Variants in VWA5B1 observed in about 807,000 individuals in gnomAD.
VWA5B1 encodes the protein von Willebrand factor A domain containing 5B1, also known as von Willebrand factor A domain-containing protein 5B1.
A neutral mutation model predicts 118.2 loss-of-function variants in VWA5B1; 115 were observed. That is an observed-to-expected ratio of 0.97 (90% confidence interval 0.84 to 1.14). VWA5B1 has a LOEUF of 1.14. Among genes scored for constraint, VWA5B1 ranks in the 50% most tolerant of loss-of-function variants. VWA5B1 has a pLI of 0.00. For missense variants in VWA5B1, 1,596 were observed against 1,603.8 expected (o/e 1.00, Z 0.08); for synonymous variants, 682 against 658.4 (o/e 1.04, Z -0.55).
At chr1:20,336,257 G>A in intron 12 of VWA5B1, 46 bp from the exon 13 acceptor site, 1 of 1,294,098 alleles carries the variant, frequency 7.7e-7, no homozygotes, top group Non-Finnish European at 9.9e-7. Context: ...AGTCCTTCCT[G>A]ACACCTAGCC....
chr1:20,319,626 G>A (rs2089144172), intron 7 of VWA5B1, 120 bp downstream of exon 7: 2 of 1,409,064 alleles, frequency 1.4e-6, no homozygotes, highest in East Asian at 5.0e-5. Context: ...GCAAGCTGGA[G>A]GCAGACACCA....
At chr1:20,313,394 T>G (rs1239027688) in intron 3 of VWA5B1, among the ~76,000 whole-genome samples, 1 of 152,162 alleles carries the variant, frequency 6.6e-6, no homozygotes, top group Non-Finnish European at 1.5e-5. Flanking sequence ...ATTAACCCCC[T>G]CTGTAAAATG....
At chr1:20,344,018 C>G (rs1164463555) in intron 16 of VWA5B1, among the ~76,000 whole-genome samples, 1 of 145,106 alleles carries the variant, frequency 6.9e-6, no homozygotes, top group South Asian at 2.3e-4. Flanking sequence ...CCTCACACCA[C>G]AGCCTTCAGG....
intron 16 of VWA5B1, 26 bp downstream of exon 16, chr1:20,343,419 C>A: frequency 6.7e-7 from 1 of 1,482,120 alleles, no homozygotes. Context: ...CTGCGCCCCT[C>A]CCGCGGACGG....
chr1:20,355,160 G>A lies in VWA5B1; in HGVS notation c.*897G>A, dbSNP rs1290087667. Among the ~76,000 whole-genome samples the A allele has an allele frequency of 1.3e-5, 2 of 152,182 alleles. No individual in the cohort carries two copies. Among genetic ancestry groups the A allele is most frequent in the Admixed American group, 6.5e-5 (1 of 15,282 alleles). On this transcript the variant is annotated 3_prime_UTR_variant, in exon 22 of 22. Transcript: ENST00000289815. The stretch of plus-strand genomic sequence containing the variant: ...GCATCACTTGTACTGAGGCACGAGG[G>A]AGCCACCACCAAGTAGGTCGCACCA...
chr1:20,329,539 C>T (rs1312579986), intron 9 of VWA5B1, among the ~76,000 whole-genome samples: 1 of 152,104 alleles, frequency 6.6e-6, no homozygotes, highest in Non-Finnish European at 1.5e-5. Flanking sequence ...GAATTCCTGA[C>T]CTCAAGTGAT....
intron 14 of VWA5B1, among the ~76,000 whole-genome samples, chr1:20,339,711 C>T (rs1042604846): frequency 6.6e-6 from 1 of 151,938 alleles, no homozygotes; most frequent in African/African-American, 2.4e-5. Flanking sequence ...AGCCCGCTCT[C>T]TAAGGGTAGG....
In VWA5B1 at chr1:20,314,467, C is replaced by A. The variant is rs1222004793; in HGVS notation, c.438C>A (p.Ser146Arg). 2 of 1,551,790 alleles carry A rather than the reference C, an allele frequency of 1.3e-6. No homozygotes were observed. The highest frequency in any genetic ancestry group is 3.9e-5 in the Admixed American group (2 of 51,004). The part of the protein sequence containing the change: ...APMENVTIFI[S>R]TSSELPTLPS... ...TGGAGAATGTCACCATCTTCATCAG[C>A]ACCTCCTCGGAGCTCCCAACGCTGC... Residue 146 changes from serine to arginine, a missense_variant, in exon 4 of 22, where the codon AGC becomes AGA. Ser to Arg is a moderately radical substitution (Grantham distance 110). Transcript: ENST00000289815.
At position 20,319,476 on chromosome 1, in the gene VWA5B1, G is replaced by T. The variant is rs531503740; in HGVS notation, c.936G>T (p.Gly312=). 4.8e-4 allele frequency: 745 copies of T among 1,551,796 alleles called. 8 individuals are homozygous for T. The South Asian group carries it at 8.1e-3, about 17-fold the overall frequency. Residue 312 remains glycine (G), a synonymous_variant, in exon 7 of 22, where the codon GGG becomes GGT. Transcript: ENST00000289815. The part of the protein sequence containing the change: ...HLKGRTDFIK[G]MKKKSRAERK... ...AGGGAAGAACAGATTTCATTAAAGG[G>T]ATGAAGAAGAAGAGCAGAGCAGAGC...
At chr1:20,329,712 C>T (rs1432609375) in intron 9 of VWA5B1, among the ~76,000 whole-genome samples, 1 of 152,160 alleles carries the variant, frequency 6.6e-6, no homozygotes, top group Non-Finnish European at 1.5e-5. Flanking sequence ...GGGACCCACA[C>T]AGTTGGTCCA....
chr1:20,346,343 C>T (rs1448264888), intron 17 of VWA5B1, among the ~76,000 whole-genome samples: 1 of 152,232 alleles, frequency 6.6e-6, no homozygotes, highest in East Asian at 1.9e-4. Context: ...CCAGGCTTTA[C>T]ATTTATTGCC....
At chr1:20,299,311 G>T (rs923504713) in intron 1 of VWA5B1, among the ~76,000 whole-genome samples, 2 of 152,138 alleles carry the variant, frequency 1.3e-5, no homozygotes, top group Non-Finnish European at 2.9e-5. Flanking sequence ...TACCAACCTT[G>T]CCTGAGGTTT....
rs1345839205 is a variant in VWA5B1 at position 20,355,671 on chromosome 1, C to T, written c.*1408C>T. 6.6e-6 allele frequency among the ~76,000 whole-genome samples: 1 copy of T among 152,218 alleles called. No individual in the cohort carries two copies. The highest frequency in any genetic ancestry group is 2.4e-5 in the African/African-American group (1 of 41,456). On this transcript the variant is annotated 3_prime_UTR_variant, in exon 22 of 22. Coordinates refer to ENST00000289815, the MANE Select transcript of VWA5B1 (RefSeq NM_001039500.3). Reference sequence around the variant, plus strand: ...GTCCTGCGGGCTCTGGCGCAAGCCCCGGCCTCAGGAAGACTCGAGGGGTGT... The same window carrying T: ...GTCCTGCGGGCTCTGGCGCAAGCCCTGGCCTCAGGAAGACTCGAGGGGTGT...
intron 6 of VWA5B1, 80 bp downstream of exon 6, chr1:20,318,801 C>A: frequency 7.1e-7 from 1 of 1,408,330 alleles, no homozygotes; most frequent in African/African-American, 1.5e-5. Flanking sequence ...AACATGTGGC[C>A]CCCCGCCCAG....
intron 9 of VWA5B1, among the ~76,000 whole-genome samples, chr1:20,329,287 C>CTTTTTTTTTTTTTTTTTTTTTTTTT (rs10578067): frequency 1.1e-5 from 1 of 89,218 alleles, no homozygotes; most frequent in Non-Finnish European, 2.0e-5. Context: ...TTTCTTTTCC[C>CTTTTTTTTTTTTTTTTTTTTTTTTT]TTTTTTTTTT....
chr1:20,346,201 T>A (rs1028437435), intron 17 of VWA5B1, among the ~76,000 whole-genome samples: 2 of 126,152 alleles, frequency 1.6e-5, no homozygotes, highest in Non-Finnish European at 3.3e-5. Context: ...TTGTATATAT[T>A]TTCAATCCTT....
intron 1 of VWA5B1, among the ~76,000 whole-genome samples, chr1:20,297,207 A>C (rs1019692881): frequency 6.6e-6 from 1 of 152,204 alleles, no homozygotes; most frequent in African/African-American, 2.4e-5. Context: ...TCAAAGACCC[A>C]AACATTCATG....
rs1168742533 is a variant in VWA5B1 at position 20,337,744 on chromosome 1, G to A, written c.2041G>A (p.Ala681Thr). 1 of 1,551,766 alleles carries A rather than the reference G, an allele frequency of 6.4e-7. No individual in the cohort carries two copies. Among genetic ancestry groups the A allele is most frequent in the East Asian group, 2.4e-5 (1 of 40,910 alleles). ...CACCATGGCAAGTGACCCCATGCCA[G>A]CTGCCAAGAGATACCCACTGCGGAA... is the stretch of plus-strand genomic sequence containing the variant. ...RATMASDPMP[A>T]AKRYPLRKAR... is the part of the protein sequence containing the mutation. The change falls in exon 14 of 22, where the codon GCT (alanine) becomes ACT (threonine). Residue 681 changes from alanine (A) to threonine (T), a missense_variant. By Grantham distance (58) the Ala-to-Thr change is moderately conservative. Transcript: ENST00000289815.
At chr1:20,297,081 A>C (rs1368273665) in intron 1 of VWA5B1, among the ~76,000 whole-genome samples, 2 of 152,162 alleles carry the variant, frequency 1.3e-5, no homozygotes, top group Non-Finnish European at 2.9e-5. Context: ...AAAATATACA[A>C]AGATCTCTGT....
Sources: gnomAD v4.1 joint callset for allele counts (sites outside exome capture counted in the v4.1 genomes callset) on GRCh38, gnomAD v4.1.1 for gene constraint, MANE v1.5 for transcripts, NCBI Gene and HGNC (gene_info 2026-07-23, HGNC 2026-07-21) for gene names.